Variants in CDH8 observed in about 807,000 individuals in gnomAD.
The protein encoded by CDH8 is cadherin-8.
In CDH8, 17 loss-of-function variants were observed where a neutral mutation model predicts 68.1. The ratio of observed to expected loss-of-function variants is 0.25; its 90% CI spans 0.17 to 0.37. The LOEUF (loss-of-function observed/expected upper bound fraction) is 0.37, where lower values mean the gene tolerates loss of function less well. CDH8 is among the 10% of genes least tolerant of loss of function. CDH8 has a pLI of 1.00. For synonymous variants in CDH8, 372 were observed against 365.1 expected (o/e 1.02, Z -0.21); for missense variants, 763 against 999.3 (o/e 0.76, Z 3.19).
chr16:61,752,681 C>G (rs1960200346), intron 8 of CDH8, among the ~76,000 whole-genome samples: 1 of 152,140 alleles, frequency 6.6e-6, no homozygotes, highest in Non-Finnish European at 1.5e-5. Context: ...TGATTAAAAA[C>G]CCTGCAATTA....
intron 8 of CDH8, among the ~76,000 whole-genome samples, chr16:61,767,479 G>C (rs1269951826): frequency 2.0e-5 from 3 of 151,824 alleles, no homozygotes; most frequent in Admixed American, 6.6e-5. Flanking sequence ...GTTGTTTTGA[G>C]GCTTCGCTGT....
At chr16:61,745,936 G>A (rs961144822) in intron 8 of CDH8, among the ~76,000 whole-genome samples, 2 of 151,882 alleles carry the variant, frequency 1.3e-5, no homozygotes, top group African/African-American at 4.8e-5. Context: ...TCTCCCTTTA[G>A]ACAAATTTGG....
intron 3 of CDH8, among the ~76,000 whole-genome samples, chr16:61,866,619 G>A (rs565214503): frequency 6.6e-6 from 1 of 151,918 alleles, no homozygotes; most frequent in East Asian, 1.9e-4. Flanking sequence ...AATATCAGAT[G>A]TTTCTGTTGA....
chr16:61,971,071 G>A (rs147213323), intron 2 of CDH8, among the ~76,000 whole-genome samples: 15,999 of 151,852 alleles, frequency 0.11, 1,026 homozygotes, highest in Admixed American at 0.15. Context: ...CCACCCTTGA[G>A]AATGTACTTT....
At chr16:61,859,279 A>G (rs908401412) in intron 3 of CDH8, among the ~76,000 whole-genome samples, 51 of 152,240 alleles carry the variant, frequency 3.3e-4, no homozygotes, top group Admixed American at 2.5e-3. Flanking sequence ...TGAGTATTAC[A>G]TAAGATGCAG....
chr16:61,735,635 A>C (rs4485351), intron 8 of CDH8, among the ~76,000 whole-genome samples: 57,655 of 151,964 alleles, frequency 0.38, 11,505 homozygotes, highest in African/African-American at 0.5. Flanking sequence ...TTATCTATAT[A>C]TTCATTTATC....
At chr16:61,837,858 G>T (rs1962600178) in intron 4 of CDH8, among the ~76,000 whole-genome samples, 1 of 151,952 alleles carries the variant, frequency 6.6e-6, no homozygotes, top group Non-Finnish European at 1.5e-5. Context: ...GCAAGCAGAG[G>T]GGAATAGATC....
chr16:61,951,813 T>A (rs1464612440), intron 2 of CDH8, among the ~76,000 whole-genome samples: 1 of 152,134 alleles, frequency 6.6e-6, no homozygotes, highest in Non-Finnish European at 1.5e-5. Flanking sequence ...GATTTCCCCA[T>A]GAGCCACTAC....
At chr16:61,899,787 T>G (rs1963934573) in intron 3 of CDH8, among the ~76,000 whole-genome samples, 2 of 151,718 alleles carry the variant, frequency 1.3e-5, no homozygotes, top group East Asian at 3.9e-4. Flanking sequence ...TTTTCTTTAT[T>G]TGAAATTTAA....
At chr16:61,949,807 C>T (rs554630941) in intron 2 of CDH8, among the ~76,000 whole-genome samples, 192 of 152,048 alleles carry the variant, frequency 1.3e-3, no homozygotes, top group African/African-American at 4.5e-3. Context: ...CATGGCAAAA[C>T]CCCATCTCTA....
At chr16:61,972,410 G>A (rs1468797005) in intron 2 of CDH8, among the ~76,000 whole-genome samples, 1 of 152,168 alleles carries the variant, frequency 6.6e-6, no homozygotes, top group African/African-American at 2.4e-5. Flanking sequence ...GGTTTTGAAT[G>A]GGGTAGTGTA....
chr16:62,029,555 A>G (rs1049982556), intron 1 of CDH8, among the ~76,000 whole-genome samples: 121 of 152,342 alleles, frequency 7.9e-4, no homozygotes, highest in African/African-American at 2.8e-3. Context: ...TTTCCTTCCC[A>G]TAGAAGACAT....
intron 2 of CDH8, among the ~76,000 whole-genome samples, chr16:61,996,028 A>G (rs1965800264): frequency 6.6e-6 from 1 of 152,224 alleles, no homozygotes; most frequent in Non-Finnish European, 1.5e-5. Context: ...CCGGTTAGGC[A>G]GCTTTAAAGA....
intron 10 of CDH8, among the ~76,000 whole-genome samples, chr16:61,688,838 G>A (rs901152434): frequency 5.9e-5 from 9 of 151,872 alleles, no homozygotes; most frequent in Non-Finnish European, 1.0e-4. Context: ...TCTTCAAAGC[G>A]ATGTTTTCAA....
intron 2 of CDH8, among the ~76,000 whole-genome samples, chr16:61,997,039 A>G (rs1298039478): frequency 6.6e-6 from 1 of 152,078 alleles, no homozygotes; most frequent in African/African-American, 2.4e-5. Flanking sequence ...GTGTTTAAGT[A>G]TAATCCTTTT....
intron 2 of CDH8, among the ~76,000 whole-genome samples, chr16:61,982,120 A>T (rs1965542741): frequency 6.6e-6 from 1 of 152,220 alleles, no homozygotes; most frequent in South Asian, 2.1e-4. Flanking sequence ...ATGTATATAT[A>T]GCAGATCATT....
rs1775278634 is a variant in CDH8, at chr16:62,021,331, G to T, written c.73C>A (p.Pro25Thr). 2.0e-5 allele frequency: 32 copies of T among 1,613,860 alleles called. No homozygotes were observed. The highest frequency in any genetic ancestry group is 2.5e-5 in the Non-Finnish European group (30 of 1,179,948). The change falls in exon 2 of 12, where the codon CCT becomes ACT. Residue 25 changes from proline to threonine, a missense_variant. Around this residue, in one of 2 missense-constraint regions of CDH8, gnomAD observed 366 missense variants for 563.1 expected, o/e 0.65. Coordinates refer to ENST00000577390, the MANE Select transcript of CDH8 (RefSeq NM_001796.5). ...TTCATCGGAGCCATGTAAATGCAAG[G>T]GGGAAGAGTAATCCATAATATTATT... The part of the protein sequence containing the change: ...PLIILWITLP[P>T]CIYMAPMNQS...
In CDH8 at chr16:61,874,351, A is replaced by G. The variant is rs75267156; in HGVS notation, c.548-17113T>C. On this transcript the variant is annotated intron_variant, in intron 3 of 11. Coordinates refer to ENST00000577390, the MANE Select transcript of CDH8 (RefSeq NM_001796.5). ...CTTTTTTTCGTTTTTTTGTTTTTTG[A>G]GATGGAGTCTCGCTCTATCACCCAG... Among the ~76,000 whole-genome samples, 235 of 151,960 alleles carry G rather than the reference A, an allele frequency of 1.5e-3. 6 individuals are homozygous for G. The East Asian group carries it at 0.022, about 14-fold the overall frequency.
rs182216451 is a variant in CDH8 at position 61,695,383 on chromosome 16, T to C, written c.1654+18458A>G. ...GCCATAGCCTGTCTTGAAGATTGGG[T>C]AAATGGAAGAGAATCAATTCTAGAT... On this transcript the variant is annotated intron_variant, in intron 10 of 11. Coordinates refer to ENST00000577390, the MANE Select transcript of CDH8 (RefSeq NM_001796.5). Among the ~76,000 whole-genome samples the C allele has an allele frequency of 2.6e-5, 4 of 152,278 alleles. No individual in the cohort carries two copies. In the East Asian group the frequency reaches 5.8e-4, roughly 22 times the overall value.
Sources: gnomAD v4.1 joint callset for allele counts (sites outside exome capture counted in the v4.1 genomes callset) on GRCh38, gnomAD v4.1.1 for gene constraint, gnomAD v4.1.1 regional missense constraint, MANE v1.5 for transcripts, NCBI Gene and HGNC (gene_info 2026-07-23, HGNC 2026-07-21) for gene names.